The following GATB variants were observed in gnomAD, a reference collection of about 807,000 sequenced individuals.
GATB encodes the protein glutamyl-tRNA amidotransferase subunit B, also known as glutamyl-tRNA(Gln) amidotransferase subunit B, mitochondrial.
Under a neutral mutation model 62.3 loss-of-function variants are expected in GATB, and 39 were observed. That is an observed-to-expected ratio of 0.63 (90% CI 0.48 to 0.82). GATB has a LOEUF of 0.82. Among genes scored for constraint, GATB ranks in the 40% least tolerant of loss-of-function variants. The probability of loss-of-function intolerance (pLI) is 0.00; values close to 1 mark genes in which losing one functional copy is unlikely to be tolerated. For missense variants in GATB, 670 were observed against 684.0 expected (o/e 0.98, Z 0.23); for synonymous variants, 276 against 258.9 (o/e 1.07, Z -0.63).
intron 2 of GATB, among the ~76,000 whole-genome samples, chr4:151,742,438 G>C (rs867585017): frequency 2.6e-5 from 4 of 152,196 alleles, no homozygotes; most frequent in Admixed American, 6.5e-5. Context: ...AAAGGTTAAA[G>C]GTGCCTTCCC....
intron 10 of GATB, among the ~76,000 whole-genome samples, chr4:151,681,486 G>A (rs1030918166): frequency 2.0e-5 from 3 of 152,152 alleles, no homozygotes; most frequent in Non-Finnish European, 2.9e-5. Context: ...AAGGCAGGCC[G>A]GATTTTTCTA....
At chr4:151,737,463 G>A (rs1381831722) in intron 2 of GATB, among the ~76,000 whole-genome samples, 1 of 152,198 alleles carries the variant, frequency 6.6e-6, no homozygotes, top group Non-Finnish European at 1.5e-5. Flanking sequence ...AAGAAGCAGA[G>A]CATAAAGTTT....
At chr4:151,731,088 T>TCCCTCC (rs1739234564) in intron 2 of GATB, among the ~76,000 whole-genome samples, 2 of 150,208 alleles carry the variant, frequency 1.3e-5, no homozygotes, top group African/African-American at 2.5e-5. Flanking sequence ...AAAAACCCTC[T>TCCCTCC]CCCTCCCCCT....
At chr4:151,719,365 A>C in intron 3 of GATB, 60 bp downstream of exon 3, 1 of 1,227,212 alleles carries the variant, frequency 8.1e-7, no homozygotes, top group Non-Finnish European at 1.2e-6. Context: ...CCGACCCCCC[A>C]CAGCAGGGCT....
chr4:151,699,563 C>CACAAAT (rs1738557479), intron 9 of GATB, among the ~76,000 whole-genome samples: 1 of 152,120 alleles, frequency 6.6e-6, no homozygotes, highest in Non-Finnish European at 1.5e-5. Context: ...AGGACACAAA[C>CACAAAT]ACAAATACAA....
At position 151,703,905 on chromosome 4, in the gene GATB, T is replaced by A. The variant is rs1738656221; in HGVS notation, c.963-10A>T. 2 of 1,598,678 alleles carry A rather than the reference T, an allele frequency of 1.3e-6. No individual in the cohort carries two copies. Among genetic ancestry groups the A allele is most frequent in the East Asian group, 4.5e-5 (2 of 44,820 alleles). ...CATTGACATGGTGCACCTGCAATAGTTAAATAAGAAAACATTAAACATTGA... is the reference window on the plus strand; with the variant it reads ...CATTGACATGGTGCACCTGCAATAGATAAATAAGAAAACATTAAACATTGA... On this transcript the variant is annotated splice_polypyrimidine_tract_variant and intron_variant, in intron 7 of 12. Transcript: ENST00000263985.
At chr4:151,672,990 G>A (rs2126951009) in intron 11 of GATB, 94 bp from the exon 12 acceptor site, 1 of 1,460,470 alleles carries the variant, frequency 6.8e-7, no homozygotes, top group East Asian at 2.3e-5. Flanking sequence ...GCTGGGGTGG[G>A]AATGAGCAGA....
At chr4:151,750,267 C>A (rs1739693265) in intron 2 of GATB, among the ~76,000 whole-genome samples, 2 of 152,222 alleles carry the variant, frequency 1.3e-5, no homozygotes, top group African/African-American at 4.8e-5. Flanking sequence ...CGCCCCACCC[C>A]TTCCTAGGTC....
chr4:151,735,850 A>G (rs751223013), intron 2 of GATB, among the ~76,000 whole-genome samples: 1 of 151,282 alleles, frequency 6.6e-6, no homozygotes, highest in African/African-American at 2.4e-5. Context: ...GAATGATACA[A>G]TGGACTTTGG....
chr4:151,673,997 T>G (rs1737942441), intron 11 of GATB: 1 of 152,210 alleles, frequency 6.6e-6, no homozygotes, highest in Admixed American at 6.5e-5. Flanking sequence ...CCAGTCTGAT[T>G]CAAAAACAAA....
At chr4:151,708,720 G>A (rs1031358483) in intron 5 of GATB, among the ~76,000 whole-genome samples, 1 of 152,260 alleles carries the variant, frequency 6.6e-6, no homozygotes, top group Admixed American at 6.5e-5. Context: ...CTGCTCTAAC[G>A]ATTTGCTACA....
intron 11 of GATB, chr4:151,677,354 G>A (rs539812538): frequency 1.3e-4 from 20 of 152,244 alleles, no homozygotes; most frequent in African/African-American, 4.3e-4. Context: ...CCACTAGGAC[G>A]GCTATAGAAT....
chr4:151,706,532 T>C (rs1738719327), intron 6 of GATB, among the ~76,000 whole-genome samples: 2 of 152,324 alleles, frequency 1.3e-5, no homozygotes, highest in Middle Eastern at 6.8e-3. Context: ...TTTGGGAACA[T>C]GGGCTATGTC....
chr4:151,725,779 A>T (rs747632542), intron 2 of GATB, among the ~76,000 whole-genome samples: 2 of 152,256 alleles, frequency 1.3e-5, no homozygotes, highest in African/African-American at 2.4e-5. Context: ...AGTCTCTAGG[A>T]TCTATACTGA....
chr4:151,674,311 G>A (rs1304891559), intron 11 of GATB: 1 of 152,292 alleles, frequency 6.6e-6, no homozygotes, highest in East Asian at 1.9e-4. Context: ...ATGCTTATCA[G>A]TGGAGTGCTG....
intron 2 of GATB, among the ~76,000 whole-genome samples, chr4:151,735,642 A>C (rs1739356128): frequency 1.3e-5 from 2 of 151,224 alleles, no homozygotes; most frequent in Non-Finnish European, 2.9e-5. Context: ...AGATACTTGC[A>C]CACGCATGTT....
intron 9 of GATB, among the ~76,000 whole-genome samples, chr4:151,700,648 A>C (rs1236994429): frequency 2.0e-5 from 3 of 152,150 alleles, no homozygotes; most frequent in Non-Finnish European, 4.4e-5. Flanking sequence ...CTTCCTTCCT[A>C]ACAGACGACG....
intron 2 of GATB, chr4:151,723,938 T>C (rs1272274461): frequency 6.6e-6 from 1 of 152,112 alleles, no homozygotes; most frequent in African/African-American, 2.4e-5. Flanking sequence ...TGGTGGGTGG[T>C]GGGAGTAGCA....
chr4:151,703,646 C>A (rs1738650444), intron 8 of GATB: 7 of 584,220 alleles, frequency 1.2e-5, no homozygotes, highest in Admixed American at 3.1e-5. Context: ...AACAAGGCAC[C>A]AGATCTGAGG....
Sources: allele counts gnomAD v4.1 joint callset (sites outside exome capture counted in the v4.1 genomes callset), GRCh38; gene constraint gnomAD v4.1.1; transcripts MANE v1.5; gene names NCBI Gene and HGNC (gene_info 2026-07-23, HGNC 2026-07-21).